Variants in TAFA5 observed in about 807,000 individuals in gnomAD.
The protein encoded by TAFA5 is chemokine-like protein TAFA-5.
In TAFA5, 6 loss-of-function variants were observed where a neutral mutation model predicts 15.3. The observed-to-expected ratio is 0.39, with a 90% confidence interval of 0.21 to 0.77. The LOEUF (loss-of-function observed/expected upper bound fraction) is 0.77, where lower values mean the gene tolerates loss of function less well. Among genes scored for constraint, TAFA5 ranks in the 30% least tolerant of loss-of-function variants. The pLI is 0.41. For missense variants in TAFA5, 161 were observed against 193.1 expected, an observed-to-expected ratio of 0.83 and a Z score of 0.98; for synonymous variants, 103 against 80.7, an observed-to-expected ratio of 1.28 and a Z score of -1.48.
At chr22:48,649,640 C>T (rs1033068906) in intron 2 of TAFA5, among the ~76,000 whole-genome samples, 1 of 152,058 alleles carries the variant, frequency 6.6e-6, no homozygotes, top group East Asian at 1.9e-4. Context: ...AGAGGCGTGG[C>T]GGTCTTCTTC....
chr22:48,692,350 G>A (rs969458154), intron 2 of TAFA5, among the ~76,000 whole-genome samples: 7 of 152,248 alleles, frequency 4.6e-5, no homozygotes, highest in Non-Finnish European at 8.8e-5. Context: ...AGCTGGGACT[G>A]TGCTCATGGG....
rs370361988 is a variant in TAFA5, at chr22:48,551,832, C to T, written c.112+62128C>T. Among the ~76,000 whole-genome samples the T allele has an allele frequency of 1.4e-3, 209 of 152,314 alleles. 1 individual carries two copies. Among genetic ancestry groups the T allele is most frequent in the African/African-American group, 4.9e-3 (202 of 41,576 alleles). On this transcript the variant is annotated intron_variant, in intron 1 of 3. Transcript: ENST00000402357. ...CTGCCCCGCCCGCTCCCCTGGCTGG[C>T]CCAGGACCCACCTGCTGCCCCGCGC...
At chr22:48,556,420 GAGCTGC>G (rs1923040822) in intron 1 of TAFA5, among the ~76,000 whole-genome samples, 1 of 152,228 alleles carries the variant, frequency 6.6e-6, no homozygotes, top group African/African-American at 2.4e-5. Context: ...CATTATTTAG[GAGCTGC>G]AGCTTACACA....
At chr22:48,653,945 T>A (rs1927144921) in intron 2 of TAFA5, among the ~76,000 whole-genome samples, 1 of 152,006 alleles carries the variant, frequency 6.6e-6, no homozygotes, top group Non-Finnish European at 1.5e-5. Flanking sequence ...GGGAGCACAC[T>A]GGGAGGTGGC....
chr22:48,652,855 C>T (rs1927104687), intron 2 of TAFA5, among the ~76,000 whole-genome samples: 1 of 152,184 alleles, frequency 6.6e-6, no homozygotes, highest in Non-Finnish European at 1.5e-5. Flanking sequence ...CTTCTGGGGG[C>T]TCAGGGAGAT....
chr22:48,706,047 G>A (rs1929067858), intron 2 of TAFA5, among the ~76,000 whole-genome samples: 1 of 152,246 alleles, frequency 6.6e-6, no homozygotes. Flanking sequence ...ACGGGAGGTG[G>A]GGGCTGGGGG....
chr22:48,581,706 T>A (rs1008857794), intron 1 of TAFA5, among the ~76,000 whole-genome samples: 1 of 152,224 alleles, frequency 6.6e-6, no homozygotes, highest in Non-Finnish European at 1.5e-5. Context: ...TGTGTACACG[T>A]GCCTGCTTAT....
intron 1 of TAFA5, among the ~76,000 whole-genome samples, chr22:48,523,662 C>T (rs886438896): frequency 1.4e-4 from 21 of 152,316 alleles, no homozygotes; most frequent in African/African-American, 4.8e-4. Flanking sequence ...CCAACTTGGG[C>T]CAGGGCTGCA....
intron 1 of TAFA5, among the ~76,000 whole-genome samples, chr22:48,610,053 T>C (rs1368790354): frequency 1.3e-5 from 2 of 152,056 alleles, no homozygotes; most frequent in African/African-American, 2.4e-5. Flanking sequence ...CTCAGCATGG[T>C]TTTAGGGGGT....
At chr22:48,532,658 C>T (rs1488723298) in intron 1 of TAFA5, among the ~76,000 whole-genome samples, 2 of 152,158 alleles carry the variant, frequency 1.3e-5, no homozygotes, top group Non-Finnish European at 2.9e-5. Flanking sequence ...TCGCTGGGGG[C>T]CTCTAATGCA....
intron 1 of TAFA5, chr22:48,545,055 A>G: frequency 2.8e-6 from 1 of 363,092 alleles, no homozygotes; most frequent in South Asian, 2.0e-5. Flanking sequence ...AAGGACTCTC[A>G]GGGGAACCAT....
At chr22:48,503,246 G>A (rs752597602) in intron 1 of TAFA5, among the ~76,000 whole-genome samples, 3 of 152,248 alleles carry the variant, frequency 2.0e-5, no homozygotes, top group East Asian at 1.9e-4. Flanking sequence ...GAAGGACCTC[G>A]GGAGCATGGG....
At chr22:48,599,660 G>A (rs1924892089) in intron 1 of TAFA5, among the ~76,000 whole-genome samples, 2 of 152,262 alleles carry the variant, frequency 1.3e-5, no homozygotes, top group Admixed American at 6.5e-5. Context: ...CACAGGCCCT[G>A]CCTCCTGGAG....
chr22:48,632,257 G>T (rs1346739827), intron 1 of TAFA5, among the ~76,000 whole-genome samples: 1 of 152,144 alleles, frequency 6.6e-6, no homozygotes, highest in East Asian at 1.9e-4. Flanking sequence ...GCCTGGTGTG[G>T]GTTGAGGCTT....
chr22:48,575,237 T>C (rs1300347712), intron 1 of TAFA5, among the ~76,000 whole-genome samples: 1 of 152,072 alleles, frequency 6.6e-6, no homozygotes, highest in African/African-American at 2.4e-5. Context: ...GTGAGGCCCC[T>C]GCGCACCTAG....
In TAFA5 at chr22:48,560,046, G is replaced by A. The variant is rs1478672596; in HGVS notation, c.112+70342G>A. Reference sequence around the variant, plus strand: ...AGGGTCTTCTTTCTATGCACACGCCGGCCATCCTCCATCAGGCAGCTGCCC... The same window carrying A: ...AGGGTCTTCTTTCTATGCACACGCCAGCCATCCTCCATCAGGCAGCTGCCC... On this transcript the variant is annotated intron_variant, in intron 1 of 3. Transcript: ENST00000402357. This position sits in a 1 kb window ranked among gnomAD's most constrained non-coding sequence, Gnocchi z 4.2. 6.6e-5 allele frequency among the ~76,000 whole-genome samples: 10 copies of A among 152,234 alleles called. No homozygotes were observed. Among genetic ancestry groups the A allele is most frequent in the East Asian group, 1.9e-4 (1 of 5,180 alleles).
chr22:48,559,198 C>T (rs936856927), intron 1 of TAFA5, among the ~76,000 whole-genome samples: 1 of 152,204 alleles, frequency 6.6e-6, no homozygotes, highest in Non-Finnish European at 1.5e-5. Flanking sequence ...GTGGTGGCAG[C>T]TGGAGCTGAC....
At chr22:48,701,639 G>A (rs1973306704) in intron 2 of TAFA5, among the ~76,000 whole-genome samples, 1 of 152,224 alleles carries the variant, frequency 6.6e-6, no homozygotes, top group African/African-American at 2.4e-5. Flanking sequence ...TGGACTTTCG[G>A]CAAATTGATT....
At chr22:48,727,392 G>A (rs987723971) in intron 3 of TAFA5, among the ~76,000 whole-genome samples, 8 of 152,314 alleles carry the variant, frequency 5.3e-5, no homozygotes, top group Middle Eastern at 6.8e-3. Context: ...GAGCCATGAT[G>A]ATTTAAGTCG....
Sources: allele counts gnomAD v4.1 joint callset (sites outside exome capture counted in the v4.1 genomes callset), GRCh38; gene constraint gnomAD v4.1.1; non-coding constraint Gnocchi (gnomAD v3.1); transcripts MANE v1.5; gene names NCBI Gene and HGNC (gene_info 2026-07-23, HGNC 2026-07-21).